Variants in SCN8A observed in about 807,000 individuals in gnomAD.
The protein encoded by SCN8A is sodium channel protein type 8 subunit alpha.
In SCN8A, 30 loss-of-function variants were observed where a neutral mutation model predicts 184.1. The ratio of observed to expected loss-of-function variants is 0.16; its 90% CI spans 0.12 to 0.22. The LOEUF is 0.22. Among genes scored for constraint, SCN8A ranks in the 10% least tolerant of loss-of-function variants. SCN8A has a pLI of 1.00. For missense variants in SCN8A, 1,057 were observed against 2,498.9 expected, an observed-to-expected ratio of 0.42 and a Z score of 12.30; for synonymous variants, 852 against 907.0, an observed-to-expected ratio of 0.94 and a Z score of 1.09.
chr12:51,709,759 A>G (rs1365091272), intron 11 of SCN8A, among the ~76,000 whole-genome samples: 1 of 152,160 alleles, frequency 6.6e-6, no homozygotes, highest in Non-Finnish European at 1.5e-5. Context: ...CGTGTTAGAA[A>G]ATGAAATAGA....
intron 1 of SCN8A, among the ~76,000 whole-genome samples, chr12:51,610,845 A>G (rs1488957069): frequency 6.6e-6 from 1 of 152,194 alleles, no homozygotes; most frequent in Non-Finnish European, 1.5e-5. Flanking sequence ...TTTGTCTTCC[A>G]CACTGTTGAT....
chr12:51,722,884 TC>T (rs1732640618), intron 12 of SCN8A: 1 of 152,266 alleles, frequency 6.6e-6, no homozygotes, highest in Admixed American at 6.5e-5. Flanking sequence ...GCTGTTTGTA[TC>T]TTTTTTATTT....
rs151250212 is a variant in SCN8A at position 51,673,220 on chromosome 12, C to T, written c.276+10127C>T. On this transcript the variant is annotated intron_variant, in intron 2 of 26. Coordinates refer to ENST00000627620, the MANE Select transcript of SCN8A (RefSeq NM_001330260.2). ...ATTATTCCCAAACAATATAGTATAA[C>T]TATTTATAAAGCATTTACATTGTAT... is the stretch of plus-strand genomic sequence containing the variant. Among the ~76,000 whole-genome samples the T allele has an allele frequency of 5.4e-3, 827 of 152,078 alleles. 10 individuals carry two copies. Among genetic ancestry groups the T allele is most frequent in the African/African-American group, 0.019 (774 of 41,460 alleles).
chr12:51,622,571 T>G (rs984230856), intron 1 of SCN8A, among the ~76,000 whole-genome samples: 1 of 152,202 alleles, frequency 6.6e-6, no homozygotes, highest in Non-Finnish European at 1.5e-5. Flanking sequence ...GGTTATGGAT[T>G]TTTGGGAAGA....
In SCN8A at chr12:51,810,818, G is replaced by A. The variant is rs1227973288; in HGVS notation, c.*3389G>A. The A allele has an allele frequency of 6.6e-6, 1 of 152,306 alleles. No individual in the cohort carries two copies. Among genetic ancestry groups the A allele is most frequent in the Admixed American group, 6.6e-5 (1 of 15,264 alleles). 9.4% of individuals were successfully genotyped at this position (152,306 alleles called of 1,614,324 possible). ...GACGAGAGGAGGAAGAAACTTCCATGTTAACATGGCCTACTCTCACTCCTT... is the reference window on the plus strand; with the variant it reads ...GACGAGAGGAGGAAGAAACTTCCATATTAACATGGCCTACTCTCACTCCTT... On this transcript the variant is annotated 3_prime_UTR_variant, in exon 27 of 27. Coordinates refer to ENST00000627620, the MANE Select transcript of SCN8A (RefSeq NM_001330260.2).
chr12:51,787,997 C>T (rs1938134451), intron 22 of SCN8A, among the ~76,000 whole-genome samples: 1 of 152,156 alleles, frequency 6.6e-6, no homozygotes, highest in Non-Finnish European at 1.5e-5. Context: ...CTTGACAGTA[C>T]AGTACTAGGG....
intron 1 of SCN8A, among the ~76,000 whole-genome samples, chr12:51,657,755 T>TA (rs1345876456): frequency 6.6e-6 from 1 of 152,126 alleles, no homozygotes; most frequent in Non-Finnish European, 1.5e-5. Flanking sequence ...GTTTCATACT[T>TA]ACATGTAAGT....
chr12:51,739,649 G>A (rs1402208445), intron 12 of SCN8A, among the ~76,000 whole-genome samples: 1 of 152,148 alleles, frequency 6.6e-6, no homozygotes, highest in Non-Finnish European at 1.5e-5. Flanking sequence ...TACTCACCAT[G>A]GGGACTGCTT....
chr12:51,667,519 A>AT (rs1027321169), intron 2 of SCN8A, among the ~76,000 whole-genome samples: 5 of 151,928 alleles, frequency 3.3e-5, no homozygotes, highest in African/African-American at 9.7e-5. Flanking sequence ...CATCTGGCTA[A>AT]TTTTTGTATT....
Position 51,657,550 on chromosome 12 carries a change from C to A in SCN8A, c.-54-5214C>A, listed in dbSNP as rs117029473. Among the ~76,000 whole-genome samples, 168 of 152,218 alleles carry A rather than the reference C, an allele frequency of 1.1e-3. 3 individuals are homozygous for A. The East Asian group carries it at 0.018, about 16-fold the overall frequency. ...AATCCCTTGTCAGAGGAATAGTTCACAAATATTTTCTCCCATTCTACTGGT... is the reference window on the plus strand; with the variant it reads ...AATCCCTTGTCAGAGGAATAGTTCAAAAATATTTTCTCCCATTCTACTGGT... On this transcript the variant is annotated intron_variant, in intron 1 of 26. Coordinates refer to ENST00000627620, the MANE Select transcript of SCN8A (RefSeq NM_001330260.2).
In SCN8A at chr12:51,770,546, A is replaced by C. The variant is rs1555226356; in HGVS notation, c.3508A>C (p.Lys1170Gln). 2 of 1,609,280 alleles carry C rather than the reference A, an allele frequency of 1.2e-6. No homozygotes were observed. Among genetic ancestry groups the C allele is most frequent in the Non-Finnish European group, 1.7e-6 (2 of 1,177,598 alleles). Residue 1170 changes from lysine to glutamine, a missense_variant, in exon 19 of 27, where the codon AAG becomes CAG. Coordinates refer to ENST00000627620, the MANE Select transcript of SCN8A (RefSeq NM_001330260.2). ...GGTGCCAGGTTGTGTCCAGCGGTTC[A>C]AGTGCTGCCAGGTCAACATCGAGGA... ...CFTEGCVQRF[K>Q]CCQVNIEEGL...
intron 2 of SCN8A, among the ~76,000 whole-genome samples, chr12:51,669,637 T>A (rs1349452863): frequency 1.3e-5 from 2 of 152,256 alleles, no homozygotes; most frequent in African/African-American, 4.8e-5. Flanking sequence ...TTACTCCTTT[T>A]AAATTTTTAA....
In SCN8A at chr12:51,722,415, T is replaced by C. The variant is rs140216201; in HGVS notation, c.1998+507T>C. On this transcript the variant is annotated intron_variant, in intron 12 of 26. Transcript: ENST00000627620. ...ACCATTGCTTCTCTTCCCCCACGTC[T>C]TCTACCCTCCTAGGGAAACAGCTTG... The C allele has an allele frequency of 3.5e-3, 562 of 161,540 alleles. 2 individuals carry two copies. The highest frequency in any genetic ancestry group is 0.013 in the African/African-American group (531 of 41,762). The allele number at this position is 161,540 out of a possible 1,614,324, so 10.0% of individuals were successfully genotyped here. A position where few individuals can be genotyped will look rare whatever the true frequency, so the allele number is the denominator to read the frequency against.
chr12:51,764,822 T>A (rs914726115), intron 15 of SCN8A, among the ~76,000 whole-genome samples: 1 of 151,462 alleles, frequency 6.6e-6, no homozygotes, highest in African/African-American at 2.4e-5. Flanking sequence ...CTGTCCAGGT[T>A]GAAGTGCAGT....
chr12:51,786,443 AC>A, intron 21 of SCN8A, 98 bp from the exon 22 acceptor site: 1 of 1,322,550 alleles, frequency 7.6e-7, no homozygotes. Context: ...ATGTTTCCAT[AC>A]AGAACAAGCC....
chr12:51,753,284 G>A (rs545828694), intron 14 of SCN8A, among the ~76,000 whole-genome samples: 1 of 152,206 alleles, frequency 6.6e-6, no homozygotes, highest in African/African-American at 2.4e-5. Flanking sequence ...ACAATTAGCA[G>A]TGGGGAGGGA....
chr12:51,679,721 C>CTTTGTTTTTT (rs1941293288), intron 2 of SCN8A, among the ~76,000 whole-genome samples: 1 of 85,510 alleles, frequency 1.2e-5, no homozygotes, highest in African/African-American at 4.5e-5. Flanking sequence ...ACTATCTTGC[C>CTTTGTTTTTT]TTTTTTTTTT....
chr12:51,699,910 T>A, intron 7 of SCN8A, 119 bp downstream of exon 7: 1 of 777,702 alleles, frequency 1.3e-6, no homozygotes, highest in Non-Finnish European at 2.1e-6. Context: ...CTCACTCCTA[T>A]AATCCTAGCA....
chr12:51,754,687 G>A (rs1430468264), intron 14 of SCN8A, among the ~76,000 whole-genome samples: 1 of 152,170 alleles, frequency 6.6e-6, no homozygotes, highest in Non-Finnish European at 1.5e-5. Context: ...CAGCCTGGAG[G>A]AGTTCCTCAG....
Sources: gnomAD v4.1 joint callset for allele counts (sites outside exome capture counted in the v4.1 genomes callset) on GRCh38, gnomAD v4.1.1 for gene constraint, MANE v1.5 for transcripts, NCBI Gene and HGNC (gene_info 2026-07-23, HGNC 2026-07-21) for gene names.